The following CDC42 variants were observed in gnomAD, a reference collection of about 807,000 sequenced individuals.
CDC42 encodes cell division control protein 42 homolog.
A neutral mutation model predicts 20.8 loss-of-function variants in CDC42; 1 was observed. The ratio of observed to expected loss-of-function variants is 0.05; its 90% confidence interval spans 0.02 to 0.23. CDC42 has a LOEUF of 0.23. Ranked by LOEUF, CDC42 falls within the 10% of genes least tolerant of loss-of-function variation. CDC42 has a pLI of 1.00. For synonymous variants in CDC42, 72 were observed against 84.8 expected, an observed-to-expected ratio of 0.85 and a Z score of 0.83; for missense variants, 49 against 227.9, an observed-to-expected ratio of 0.21 and a Z score of 5.05.
chr1:22,087,938 C>T (rs1401532477), intron 5 of CDC42, among the ~76,000 whole-genome samples: 2 of 152,140 alleles, frequency 1.3e-5, no homozygotes, highest in African/African-American at 4.8e-5. Context: ...TGGATATTTA[C>T]AGATAAAACT....
At chr1:22,058,419 C>T (rs1645326662) in intron 1 of CDC42, among the ~76,000 whole-genome samples, 1 of 151,926 alleles carries the variant, frequency 6.6e-6, no homozygotes, top group Non-Finnish European at 1.5e-5. Context: ...GGAATTGTTG[C>T]TTCCTGCCTA....
At chr1:22,080,157 A>G (rs192669559) in intron 2 of CDC42, among the ~76,000 whole-genome samples, 1 of 152,350 alleles carries the variant, frequency 6.6e-6, no homozygotes, top group Non-Finnish European at 1.5e-5. Flanking sequence ...GAGGGTACTC[A>G]GGCCCAATTT....
intron 2 of CDC42, among the ~76,000 whole-genome samples, 156 bp from the exon 3 acceptor site, chr1:22,081,566 A>G (rs1217574574): frequency 6.6e-6 from 1 of 152,228 alleles, no homozygotes; most frequent in East Asian, 1.9e-4. Context: ...TAGCTCATGC[A>G]AGGACTGGTT....
intron 1 of CDC42, among the ~76,000 whole-genome samples, chr1:22,069,170 CTTTTTTTTTTTTTT>C (rs71724070): frequency 3.7e-5 from 3 of 80,816 alleles, no homozygotes; most frequent in Non-Finnish European, 6.8e-5. Flanking sequence ...CATTTTATTC[CTTTTTTTTTTTTTT>C]TTTTTTTTTT....
intron 3 of CDC42, 50 bp downstream of exon 3, chr1:22,081,844 T>C: frequency 8.4e-7 from 1 of 1,188,334 alleles, no homozygotes; most frequent in Non-Finnish European, 1.2e-6. Context: ...CAGTTGCTAG[T>C]TGTCTGTCTC....
chr1:22,056,918 T>A (rs1569950396), intron 1 of CDC42, among the ~76,000 whole-genome samples: 1 of 152,316 alleles, frequency 6.6e-6, no homozygotes, highest in African/African-American at 2.4e-5. Context: ...GCTCTGTTAC[T>A]GTTGTTCTGT....
rs760835408 is a variant in CDC42, at chr1:22,078,565, A to G, written c.87A>G (p.Pro29=). ...LLISYTTNKF[P]SEYVPTVFDN... ...TATCCTACACAACAAACAAATTTCC[A>G]TCGGAATATGTACCGACTGTAAGTA... The change falls in exon 2 of 6, where the codon CCA becomes CCG. Residue 29 remains proline, a synonymous_variant. Transcript: ENST00000656825. 1 of 1,612,560 alleles carries G rather than the reference A, an allele frequency of 6.2e-7. No individual in the cohort carries two copies. The highest frequency in any genetic ancestry group is 8.5e-7 in the Non-Finnish European group (1 of 1,178,770).
In CDC42 at chr1:22,066,112, T is replaced by C. The variant is rs181223530; in HGVS notation, c.-50-12317T>C. Among the ~76,000 whole-genome samples, 122 of 152,298 alleles carry C rather than the reference T, an allele frequency of 8.0e-4. 1 individual carries two copies. The highest frequency in any genetic ancestry group is 6.5e-4 in the Admixed American group (10 of 15,292). On this transcript the variant is annotated intron_variant, in intron 1 of 5. Transcript: ENST00000656825. ...TTGTAAAAGACATTTAAGAATTTTA[T>C]TTTTTCTTGCCCTTAATATACTGTT...
intron 5 of CDC42, chr1:22,090,286 G>A: frequency 1.7e-6 from 2 of 1,156,862 alleles, no homozygotes; most frequent in East Asian, 4.3e-5. Flanking sequence ...TTTTTGGTTT[G>A]GATTACTATT....
intron 3 of CDC42, among the ~76,000 whole-genome samples, chr1:22,085,655 A>AT (rs1452690159): frequency 1.3e-5 from 2 of 152,206 alleles, no homozygotes; most frequent in East Asian, 1.9e-4. Flanking sequence ...AATTCTAAGT[A>AT]TTTTTATTAT....
chr1:22,091,608 C>G lies in CDC42; in HGVS notation c.*91C>G, dbSNP rs1003030499. The G allele has an allele frequency of 2.0e-6, 2 of 992,264 alleles. No individual in the cohort carries two copies. Among genetic ancestry groups the G allele is most frequent in the Admixed American group, 4.4e-5 (2 of 45,088 alleles). The allele number at this position is 992,264 out of a possible 1,614,324, so 61.5% of individuals were successfully genotyped here. A position where few individuals can be genotyped will look rare whatever the true frequency, so the allele number is the denominator to read the frequency against. On this transcript the variant is annotated 3_prime_UTR_variant, in exon 6 of 6. Transcript: ENST00000656825. Reference sequence around the variant, plus strand: ...AAACTAAAGATTAAAAATTAAAATTCGTTTTTGCAATAATGACAAATGCCC... The same window carrying G: ...AAACTAAAGATTAAAAATTAAAATTGGTTTTTGCAATAATGACAAATGCCC...
chr1:22,065,614 C>G (rs975044959), intron 1 of CDC42, among the ~76,000 whole-genome samples: 1 of 152,130 alleles, frequency 6.6e-6, no homozygotes, highest in Non-Finnish European at 1.5e-5. Context: ...TATACATTAC[C>G]TCATTTCTCT....
At chr1:22,059,159 C>G (rs1050739136) in intron 1 of CDC42, 1 of 150,834 alleles carries the variant, frequency 6.6e-6, no homozygotes, top group African/African-American at 2.5e-5. Flanking sequence ...GAGTTTTGCT[C>G]TTGTTGCCCA....
Position 22,092,747 on chromosome 1 carries a change from C to CA in CDC42, c.*1230_*1231insA, listed in dbSNP as rs1192161285. On this transcript the variant is annotated 3_prime_UTR_variant, in exon 6 of 6. Transcript: ENST00000656825. ...CATGGAAAGACTCTTAATGCAGACT[C>CA]TTCTTAAGTGTTAATAGGGATTTTT... The CA allele has an allele frequency of 1.3e-5, 2 of 152,636 alleles. No individual in the cohort carries two copies. Among genetic ancestry groups the CA allele is most frequent in the Non-Finnish European group, 2.9e-5 (2 of 68,040 alleles). 9.5% of individuals were successfully genotyped at this position (152,636 alleles called of 1,614,324 possible). A position where few individuals can be genotyped will look rare whatever the true frequency, so the allele number is the denominator to read the frequency against.
intron 5 of CDC42, chr1:22,089,990 G>C (rs1249762361): frequency 1.2e-6 from 2 of 1,614,020 alleles, no homozygotes; most frequent in Non-Finnish European, 1.7e-6. Flanking sequence ...CTGCCCTCGA[G>C]CCTCCGGAAA....
At chr1:22,078,653 C>A in intron 2 of CDC42, 70 bp downstream of exon 2, 1 of 1,550,876 alleles carries the variant, frequency 6.4e-7, no homozygotes, top group South Asian at 1.2e-5. Context: ...AACGCTTTCT[C>A]TATGTGTACT....
Position 22,075,808 on chromosome 1 carries a change from C to T in CDC42, c.-50-2621C>T, listed in dbSNP as rs558433806. On this transcript the variant is annotated intron_variant, in intron 1 of 5. Transcript: ENST00000656825. ...GAATAGCTAGAGTGTGGTAGAGCCA[C>T]TCTGACTCCAGAACCCAGGCTTAAC... Among the ~76,000 whole-genome samples the T allele has an allele frequency of 1.1e-3, 170 of 152,302 alleles. 1 individual carries two copies. The highest frequency in any genetic ancestry group is 2.1e-3 in the Non-Finnish European group (143 of 68,026).
chr1:22,090,151 A>G, intron 5 of CDC42: 1 of 1,405,576 alleles, frequency 7.1e-7, no homozygotes, highest in Non-Finnish European at 9.3e-7. Context: ...TTTACTCACC[A>G]CCTTAGAGCA....
At chr1:22,061,474 T>C (rs1029541012) in intron 1 of CDC42, among the ~76,000 whole-genome samples, 1 of 150,758 alleles carries the variant, frequency 6.6e-6, no homozygotes, top group African/African-American at 2.4e-5. Flanking sequence ...TGTATATAAG[T>C]TTATTTTAAA....
Sources: allele counts gnomAD v4.1 joint callset (sites outside exome capture counted in the v4.1 genomes callset), GRCh38; gene constraint gnomAD v4.1.1; transcripts MANE v1.5; gene names NCBI Gene and HGNC (gene_info 2026-07-23, HGNC 2026-07-21).